The following CCBE1 variants were observed in gnomAD, a reference collection of about 807,000 sequenced individuals.
The protein encoded by CCBE1 is collagen and calcium binding EGF domains 1.
A neutral mutation model predicts 50.0 loss-of-function variants in CCBE1; 37 were observed. That is an observed-to-expected ratio of 0.74 (90% confidence interval 0.57 to 0.97). CCBE1 has a LOEUF of 0.97. Among genes scored for constraint, CCBE1 ranks in the 50% least tolerant of loss-of-function variants. CCBE1 has a pLI of 0.00. For synonymous variants in CCBE1, 234 were observed against 203.7 expected, an observed-to-expected ratio of 1.15 and a Z score of -1.27; for missense variants, 538 against 523.8, an observed-to-expected ratio of 1.03 and a Z score of -0.26.
chr18:59,436,290 T>TG lies in CCBE1; in HGVS notation c.988-150dup, dbSNP rs11427032. On this transcript the variant is annotated intron_variant, in intron 10 of 10. Coordinates refer to ENST00000439986, the MANE Select transcript of CCBE1 (RefSeq NM_133459.4). ...CAATGTGAGGACTGCTACAGGAGCCTGGGGGTCCTCCATATTGTTTTCTAA... is the reference window on the plus strand; with the variant it reads ...CAATGTGAGGACTGCTACAGGAGCCTGGGGGGTCCTCCATATTGTTTTCTAA... The TG allele has an allele frequency of 0.19, 131,714 of 708,372 alleles. 13,391 individuals carry two copies. Among genetic ancestry groups the TG allele is most frequent in the African/African-American group, 0.28 (15,596 of 56,502 alleles). 43.9% of individuals were successfully genotyped at this position (708,372 alleles called of 1,614,324 possible).
At chr18:59,641,445 T>TGAGGGTG (rs969957780) in intron 2 of CCBE1, among the ~76,000 whole-genome samples, 2 of 152,000 alleles carry the variant, frequency 1.3e-5, no homozygotes, top group African/African-American at 4.8e-5. Context: ...GGGGCCTGCT[T>TGAGGGTG]GAGGGTGGAG....
chr18:59,486,176 A>G (rs942302399), intron 2 of CCBE1, among the ~76,000 whole-genome samples: 8 of 152,184 alleles, frequency 5.3e-5, no homozygotes, highest in Non-Finnish European at 8.8e-5. Context: ...GAGATAATTG[A>G]CAGTATTACA....
chr18:59,588,205 C>T (rs764337804), intron 2 of CCBE1, among the ~76,000 whole-genome samples: 21 of 152,184 alleles, frequency 1.4e-4, no homozygotes, highest in Non-Finnish European at 2.9e-4. Context: ...TTACATTAAT[C>T]TGAGTGTACA....
chr18:59,643,882 C>A (rs761755123), intron 2 of CCBE1, among the ~76,000 whole-genome samples: 5 of 152,152 alleles, frequency 3.3e-5, no homozygotes, highest in African/African-American at 4.8e-5. Flanking sequence ...TTCTTCAGAA[C>A]CTTTAACATG....
chr18:59,516,374 G>A (rs1048884663), intron 2 of CCBE1, among the ~76,000 whole-genome samples: 5 of 152,118 alleles, frequency 3.3e-5, no homozygotes, highest in African/African-American at 1.2e-4. Flanking sequence ...TGCTAGGAAT[G>A]CAAGTATCTG....
chr18:59,631,104 A>T (rs1214281555), intron 2 of CCBE1, among the ~76,000 whole-genome samples: 1 of 152,064 alleles, frequency 6.6e-6, no homozygotes. Context: ...CATGACCTAG[A>T]TGTGGCCAAG....
chr18:59,534,464 A>G (rs1013320), intron 2 of CCBE1, among the ~76,000 whole-genome samples: 12,956 of 152,312 alleles, frequency 0.085, 718 homozygotes, highest in Middle Eastern at 0.17. Context: ...GTAATATTAC[A>G]TAACAACCTG....
intron 2 of CCBE1, among the ~76,000 whole-genome samples, chr18:59,541,771 G>T (rs1915474714): frequency 1.3e-5 from 2 of 152,172 alleles, no homozygotes; most frequent in African/African-American, 2.4e-5. Context: ...GTTCAAATTG[G>T]TGAGGGGATG....
intron 2 of CCBE1, among the ~76,000 whole-genome samples, chr18:59,664,290 A>C (rs1468317864): frequency 6.6e-6 from 1 of 152,170 alleles, no homozygotes; most frequent in Non-Finnish European, 1.5e-5. Context: ...TTCAACATGT[A>C]AGTTTTGGGG....
chr18:59,673,318 G>A (rs1392607190), intron 2 of CCBE1, among the ~76,000 whole-genome samples: 1 of 152,120 alleles, frequency 6.6e-6, no homozygotes, highest in Non-Finnish European at 1.5e-5. Flanking sequence ...GGGTGTGGTG[G>A]CAGACACCTG....
chr18:59,609,295 C>T (rs141805433), intron 2 of CCBE1, among the ~76,000 whole-genome samples: 47 of 152,358 alleles, frequency 3.1e-4, no homozygotes, highest in African/African-American at 1.0e-3. Context: ...TCACAAATCT[C>T]TGTGCCCCAG....
intron 2 of CCBE1, among the ~76,000 whole-genome samples, chr18:59,631,452 G>T (rs186984499): frequency 6.6e-6 from 1 of 152,182 alleles, no homozygotes; most frequent in Non-Finnish European, 1.5e-5. Flanking sequence ...GAAACAATGA[G>T]AGAGGACAAC....
At chr18:59,519,799 T>C (rs1202106841) in intron 2 of CCBE1, among the ~76,000 whole-genome samples, 1 of 152,206 alleles carries the variant, frequency 6.6e-6, no homozygotes, top group East Asian at 1.9e-4. Flanking sequence ...ATTTTTATGG[T>C]TTTAGGTCTT....
In CCBE1 at chr18:59,680,698, C is replaced by CAA. The variant is rs142799321; in HGVS notation, c.212+15929_212+15930dup. ...TGGGAGACAGAGCGAGACTCCATCT[C>CAA]AAAAAAAAAAGAAAAAACAAAACAA... On this transcript the variant is annotated intron_variant, in intron 2 of 10. Transcript: ENST00000439986. Among the ~76,000 whole-genome samples the CAA allele has an allele frequency of 4.0e-4, 58 of 143,856 alleles. 1 individual carries two copies. The highest frequency in any genetic ancestry group is 7.1e-3 in the Middle Eastern group (2 of 280). The allele number at this position is 143,856 out of a possible 152,430, so 94.4% of individuals were successfully genotyped here. A position where few individuals can be genotyped will look rare whatever the true frequency, so the allele number is the denominator to read the frequency against.
chr18:59,617,673 C>T (rs556099585), intron 2 of CCBE1, among the ~76,000 whole-genome samples: 8 of 152,298 alleles, frequency 5.3e-5, no homozygotes, highest in Admixed American at 4.6e-4. Flanking sequence ...TCAGGATACA[C>T]ACCTTTTCCT....
intron 10 of CCBE1, among the ~76,000 whole-genome samples, chr18:59,437,062 A>G (rs529057040): frequency 6.6e-6 from 1 of 152,342 alleles, no homozygotes; most frequent in African/African-American, 2.4e-5. Context: ...TGAAGTTGAG[A>G]GGATGTTGTA....
At chr18:59,438,645 G>C (rs1910268371) in intron 9 of CCBE1, among the ~76,000 whole-genome samples, 1 of 152,192 alleles carries the variant, frequency 6.6e-6, no homozygotes, top group Non-Finnish European at 1.5e-5. Flanking sequence ...AAAATTTACA[G>C]GGGTCACTTT....
rs1436576311 is a variant in CCBE1, at chr18:59,492,812, C to G, written c.213-12574G>C. 2.6e-5 allele frequency among the ~76,000 whole-genome samples: 4 copies of G among 152,224 alleles called. No homozygotes were observed. In the East Asian group the frequency reaches 7.7e-4, roughly 29 times the overall value. On this transcript the variant is annotated intron_variant, in intron 2 of 10. Transcript: ENST00000439986. ...GCAGAGTCAGTGCACCTAAAGAGGC[C>G]CAGAGAAGATGTGGCCTTTATTTTG...
intron 2 of CCBE1, among the ~76,000 whole-genome samples, chr18:59,493,764 C>T (rs966833171): frequency 1.3e-5 from 2 of 152,134 alleles, no homozygotes; most frequent in East Asian, 3.9e-4. Flanking sequence ...ACTGTGTCCC[C>T]ATCCAAATCT....
Sources: gnomAD v4.1 joint callset for allele counts (sites outside exome capture counted in the v4.1 genomes callset) on GRCh38, gnomAD v4.1.1 for gene constraint, MANE v1.5 for transcripts, NCBI Gene and HGNC (gene_info 2026-07-23, HGNC 2026-07-21) for gene names.